Variants in PKN2 observed in about 807,000 individuals in gnomAD.
PKN2 encodes serine/threonine-protein kinase N2.
A neutral mutation model predicts 119.1 loss-of-function variants in PKN2; 38 were observed. That is an observed-to-expected ratio of 0.32 (90% CI 0.25 to 0.42). The LOEUF (loss-of-function observed/expected upper bound fraction) is 0.42, where lower values mean the gene tolerates loss of function less well. Ranked by LOEUF, PKN2 falls within the 10% of genes least tolerant of loss-of-function variation. The pLI is 1.00. For missense variants in PKN2, 850 were observed against 1,165.1 expected (o/e 0.73, Z 3.94); for synonymous variants, 390 against 384.9 (o/e 1.01, Z -0.15).
In PKN2 at chr1:88,813,660, G is replaced by A. The variant is rs1671868314; in HGVS notation, c.2206G>A (p.Val736Ile). The change falls in exon 16 of 22, where the codon GTA (valine) becomes ATA (isoleucine). Residue 736 changes from valine to isoleucine, a missense_variant. Val to Ile is a conservative substitution (Grantham distance 29). Transcript: ENST00000370521. ...CFQTKEHVCF[V>I]MEYAAGGDLM... ...CCAAACCAAAGAGCATGTTTGCTTT[G>A]TAATGGAATATGCTGCCGGTGGGGA... The A allele has an allele frequency of 6.2e-7, 1 of 1,609,676 alleles. No homozygotes were observed. Among genetic ancestry groups the A allele is most frequent in the African/African-American group, 1.3e-5 (1 of 74,524 alleles).
At chr1:88,821,654 T>C (rs549273490) in intron 16 of PKN2, among the ~76,000 whole-genome samples, 1 of 152,350 alleles carries the variant, frequency 6.6e-6, no homozygotes, top group South Asian at 2.1e-4. Flanking sequence ...CTGTCCTTTG[T>C]CCTTATGTTA....
rs963755835 is a variant in PKN2 at position 88,835,395 on chromosome 1, G to A, written c.*1947G>A. On this transcript the variant is annotated 3_prime_UTR_variant, in exon 22 of 22. Coordinates refer to ENST00000370521, the MANE Select transcript of PKN2 (RefSeq NM_006256.4). ...TTTTGGTTCTCAAATAGCAAAGAAA[G>A]TAATGTCTAAAATAGGCTCTTAGCA... The A allele has an allele frequency of 7.9e-5, 12 of 152,356 alleles. No individual in the cohort carries two copies. The highest frequency in any genetic ancestry group is 2.7e-4 in the African/African-American group (11 of 41,398). The allele number at this position is 152,356 out of a possible 1,614,324, so 9.4% of individuals were successfully genotyped here.
intron 1 of PKN2, among the ~76,000 whole-genome samples, chr1:88,693,706 G>T (rs570363475): frequency 1.3e-5 from 2 of 152,144 alleles, no homozygotes; most frequent in African/African-American, 4.8e-5. Context: ...GTGAGACCCT[G>T]TCTCAAAAAA....
rs12085658 is a variant in PKN2 at position 88,807,558 on chromosome 1, A to G, written c.1964A>G (p.Gln655Arg). 1.5e-3 allele frequency: 2,432 copies of G among 1,612,518 alleles called. 28 individuals carry two copies. The African/African-American group carries it at 0.028, about 19-fold the overall frequency. ...RSQQRFQFNL[Q>R]DFRCCAVLGR... ...CAGCAAAGGTTTCAGTTTAATCTAC[A>G]AGATTTCAGGTGTTGTGCTGTCTTG... is the stretch of plus-strand genomic sequence containing the variant. The change falls in exon 14 of 22, where the codon CAA (glutamine) becomes CGA (arginine). Residue 655 changes from glutamine to arginine, a missense_variant. Gln to Arg is a conservative substitution (Grantham distance 43, BLOSUM62 1). This residue lies in a region of PKN2 where 216 missense variants were observed against 252.8 expected (regional missense o/e 0.85). Coordinates refer to ENST00000370521, the MANE Select transcript of PKN2 (RefSeq NM_006256.4).
Position 88,684,646 on chromosome 1 carries a change from G to A in PKN2, c.48+18G>A. On this transcript the variant is annotated intron_variant, in intron 1 of 21. Transcript: ENST00000370521. ...AACTGCAGGTAAGGGCCGCGGCCCT[G>A]GTGAGAGGCGCTGGCGGAGGAGACA... The A allele has an allele frequency of 1.3e-6, 2 of 1,522,006 alleles. No homozygotes were observed. The highest frequency in any genetic ancestry group is 1.8e-6 in the Non-Finnish European group (2 of 1,136,108). 94.3% of individuals were successfully genotyped at this position (1,522,006 alleles called of 1,614,324 possible). A position where few individuals can be genotyped will look rare whatever the true frequency, so the allele number is the denominator to read the frequency against.
intron 2 of PKN2, among the ~76,000 whole-genome samples, chr1:88,754,276 C>CT (rs1434118954): frequency 6.6e-6 from 1 of 150,644 alleles, no homozygotes; most frequent in Non-Finnish European, 1.5e-5. Context: ...CTCTCTTTCT[C>CT]TTTTTAAAAA....
intron 1 of PKN2, among the ~76,000 whole-genome samples, chr1:88,723,438 T>C (rs1353140129): frequency 4.3e-5 from 6 of 139,872 alleles, no homozygotes; most frequent in Non-Finnish European, 9.3e-5. Context: ...TATTTGTTTA[T>C]TTTGAGACAG....
intron 6 of PKN2, among the ~76,000 whole-genome samples, chr1:88,778,718 C>CTT (rs773253937): frequency 2.1e-5 from 3 of 145,402 alleles, no homozygotes. Context: ...CAAAGATTTT[C>CTT]TTTTTTTTTT....
At chr1:88,766,433 CAG>C (rs1422818368) in intron 3 of PKN2, among the ~76,000 whole-genome samples, 1 of 152,138 alleles carries the variant, frequency 6.6e-6, no homozygotes, top group East Asian at 1.9e-4. Flanking sequence ...GCTTGCAAAA[CAG>C]TGTTATTTTT....
chr1:88,763,831 C>A (rs987394133), intron 3 of PKN2, among the ~76,000 whole-genome samples: 1 of 151,956 alleles, frequency 6.6e-6, no homozygotes, highest in Admixed American at 6.6e-5. Flanking sequence ...ATTCTTAGAT[C>A]GGTTATGTGG....
intron 1 of PKN2, among the ~76,000 whole-genome samples, chr1:88,693,223 G>T (rs1372068765): frequency 6.6e-6 from 1 of 152,062 alleles, no homozygotes; most frequent in Non-Finnish European, 1.5e-5. Flanking sequence ...AAGATTATGT[G>T]AGTCAGTTAT....
chr1:88,706,295 T>C (rs994178942), intron 1 of PKN2, among the ~76,000 whole-genome samples: 2 of 152,220 alleles, frequency 1.3e-5, no homozygotes, highest in African/African-American at 2.4e-5. Context: ...TCATTCCTAG[T>C]ATATAGAAGT....
chr1:88,740,929 A>G, intron 1 of PKN2, 59 bp from the exon 2 acceptor site: 3 of 1,124,398 alleles, frequency 2.7e-6, no homozygotes, highest in East Asian at 2.4e-5. Flanking sequence ...AACACTGCAT[A>G]TTTACTGAGC....
chr1:88,763,023 C>T (rs1008770543), intron 3 of PKN2, among the ~76,000 whole-genome samples: 6 of 152,214 alleles, frequency 3.9e-5, no homozygotes, highest in Non-Finnish European at 8.8e-5. Context: ...TAGTCATTTT[C>T]AATTAAAAGC....
At chr1:88,748,100 C>G (rs1335619457) in intron 2 of PKN2, among the ~76,000 whole-genome samples, 1 of 151,842 alleles carries the variant, frequency 6.6e-6, no homozygotes, top group Admixed American at 6.6e-5. Flanking sequence ...ATATATTTTC[C>G]AAAAAAGTTA....
chr1:88,706,939 T>A (rs1667027536), intron 1 of PKN2, among the ~76,000 whole-genome samples: 1 of 152,126 alleles, frequency 6.6e-6, no homozygotes, highest in African/African-American at 2.4e-5. Flanking sequence ...TTTTTTCTCA[T>A]CTCCAGTCTC....
chr1:88,686,403 T>C (rs1666101483), intron 1 of PKN2, among the ~76,000 whole-genome samples: 1 of 152,098 alleles, frequency 6.6e-6, no homozygotes, highest in Non-Finnish European at 1.5e-5. Flanking sequence ...ATTTAGGATC[T>C]TTTAATTAAT....
rs531710194 is a variant in PKN2 at position 88,783,605 on chromosome 1, G to T, written c.986-1034G>T. On this transcript the variant is annotated intron_variant, in intron 6 of 21. Transcript: ENST00000370521. ...AATTAAGTAGTTATTTAAATTAATG[G>T]GACAACTTTTACCAGAAATATTCCT... Among the ~76,000 whole-genome samples the T allele has an allele frequency of 5.9e-4, 90 of 152,024 alleles. 1 individual carries two copies. The highest frequency in any genetic ancestry group is 2.0e-3 in the African/African-American group (81 of 41,472).
At chr1:88,750,741 A>C (rs1439828456) in intron 2 of PKN2, among the ~76,000 whole-genome samples, 2 of 152,136 alleles carry the variant, frequency 1.3e-5, no homozygotes, top group African/African-American at 4.8e-5. Flanking sequence ...CCGTTAGTGC[A>C]TGACCCCAGT....
Sources: gnomAD v4.1 joint callset for allele counts (sites outside exome capture counted in the v4.1 genomes callset) on GRCh38, gnomAD v4.1.1 for gene constraint, gnomAD v4.1.1 regional missense constraint, MANE v1.5 for transcripts, NCBI Gene and HGNC (gene_info 2026-07-23, HGNC 2026-07-21) for gene names.